KHDRBS2: variants seen among roughly 807,000 people sequenced by gnomAD.
The protein encoded by KHDRBS2 is KH domain-containing, RNA-binding, signal transduction-associated protein 2.
KHDRBS2 carries 26 observed loss-of-function variants against 44.3 expected under a neutral mutation model. That is an observed-to-expected ratio of 0.59 (90% CI 0.43 to 0.81). KHDRBS2 has a LOEUF of 0.81. Ranked by LOEUF, KHDRBS2 falls within the 40% of genes least tolerant of loss-of-function variation. KHDRBS2 has a pLI of 0.00. For synonymous variants in KHDRBS2, 194 were observed against 151.1 expected, an observed-to-expected ratio of 1.28 and a Z score of -2.08; for missense variants, 476 against 433.1, an observed-to-expected ratio of 1.10 and a Z score of -0.88.
the KHDRBS2 span, among the ~76,000 whole-genome samples, chr6:61,622,552 G>T: frequency 2.0e-5 from 3 of 152,298 alleles, no homozygotes; most frequent in Non-Finnish European, 2.9e-5. Flanking sequence ...ATTGACTGGG[G>T]TGTCTTTTAT....
At chr6:61,628,506 T>C in the KHDRBS2 span, among the ~76,000 whole-genome samples, 10 of 152,146 alleles carry the variant, frequency 6.6e-5, no homozygotes, top group South Asian at 1.2e-3. Context: ...TTATCTTCTC[T>C]TCCTTCTGTA....
intron 6 of KHDRBS2, among the ~76,000 whole-genome samples, chr6:61,773,536 G>C (rs923611463): frequency 5.3e-5 from 8 of 151,372 alleles, no homozygotes; most frequent in Non-Finnish European, 1.0e-4. Flanking sequence ...GTAGATTCTG[G>C]ATATTAGCCC....
Position 61,910,243 on chromosome 6 carries a change from C to T in KHDRBS2, c.484-8872G>A, listed in dbSNP as rs530708877. On this transcript the variant is annotated intron_variant, in intron 4 of 8. Coordinates refer to ENST00000281156, the MANE Select transcript of KHDRBS2 (RefSeq NM_152688.4). The stretch of plus-strand genomic sequence containing the variant: ...CAAAACAGAACATGCTATTAAATAA[C>T]ATCTCTTAGCCAACACAGGGTGAGT... 9.3e-4 allele frequency among the ~76,000 whole-genome samples: 142 copies of T among 152,318 alleles called. 2 individuals carry two copies. In the South Asian group the frequency reaches 0.029, roughly 31 times the overall value.
chr6:61,767,006 T>G (rs1780111204), intron 6 of KHDRBS2, among the ~76,000 whole-genome samples: 1 of 152,128 alleles, frequency 6.6e-6, no homozygotes, highest in African/African-American at 2.4e-5. Context: ...CATTGTTTCT[T>G]TACTGATTTT....
At chr6:62,251,395 T>C (rs879608808) in intron 1 of KHDRBS2, among the ~76,000 whole-genome samples, 1 of 151,960 alleles carries the variant, frequency 6.6e-6, no homozygotes, top group Admixed American at 6.6e-5. Context: ...TTGGTGTTTA[T>C]GAACTATTTT....
intron 2 of KHDRBS2, among the ~76,000 whole-genome samples, chr6:62,169,167 ATATGTATATATG>A (rs1819430717): frequency 2.4e-5 from 2 of 84,706 alleles, no homozygotes; most frequent in African/African-American, 8.7e-5. Context: ...ACGTACACAT[ATATGTATATATG>A]TATATATACG....
intron 3 of KHDRBS2, among the ~76,000 whole-genome samples, chr6:62,014,036 T>G (rs1200154695): frequency 6.6e-6 from 1 of 152,192 alleles, no homozygotes; most frequent in Admixed American, 6.5e-5. Flanking sequence ...GTCTGAAAAC[T>G]AAGTGGATTG....
chr6:62,168,688 G>T (rs1819200685), intron 2 of KHDRBS2, among the ~76,000 whole-genome samples: 1 of 152,014 alleles, frequency 6.6e-6, no homozygotes, highest in Non-Finnish European at 1.5e-5. Flanking sequence ...TATACCCTAA[G>T]CTATGTGTTT....
intron 2 of KHDRBS2, among the ~76,000 whole-genome samples, chr6:62,073,949 T>A (rs1420133951): frequency 6.6e-6 from 1 of 151,848 alleles, no homozygotes; most frequent in Non-Finnish European, 1.5e-5. Flanking sequence ...ACTCCTGCAC[T>A]ACTGCACCAG....
chr6:62,116,552 T>A (rs1229170604), intron 2 of KHDRBS2, among the ~76,000 whole-genome samples: 2 of 152,186 alleles, frequency 1.3e-5, no homozygotes, highest in East Asian at 3.8e-4. Context: ...TGTGTAATGA[T>A]CAATTCAAGG....
chr6:61,961,328 T>A (rs1768660652), intron 4 of KHDRBS2, among the ~76,000 whole-genome samples: 1 of 151,196 alleles, frequency 6.6e-6, no homozygotes, highest in Non-Finnish European at 1.5e-5. Context: ...CAGCAATAAT[T>A]AAGCTTCTTG....
chr6:61,918,720 G>T (rs1400197189), intron 4 of KHDRBS2, among the ~76,000 whole-genome samples: 1 of 151,930 alleles, frequency 6.6e-6, no homozygotes, highest in East Asian at 1.9e-4. Context: ...TGCTCTTTCT[G>T]AGAAAAGAAG....
chr6:62,231,233 C>A (rs1444227428), intron 1 of KHDRBS2, among the ~76,000 whole-genome samples: 1 of 152,082 alleles, frequency 6.6e-6, no homozygotes, highest in Non-Finnish European at 1.5e-5. Flanking sequence ...AAGAAAGACC[C>A]AAGGCTGGGT....
chr6:61,621,935 C>T, the KHDRBS2 span, among the ~76,000 whole-genome samples: 1 of 152,070 alleles, frequency 6.6e-6, no homozygotes, highest in Non-Finnish European at 1.5e-5. Flanking sequence ...AAAGCTTCAC[C>T]ATAGAGATAG....
At chr6:61,889,618 C>A (rs533317622) in intron 6 of KHDRBS2, among the ~76,000 whole-genome samples, 1 of 152,082 alleles carries the variant, frequency 6.6e-6, no homozygotes, top group Non-Finnish European at 1.5e-5. Flanking sequence ...GGGGGCAATG[C>A]AACCAGTTAA....
chr6:62,032,454 C>T (rs1784523056), intron 3 of KHDRBS2, among the ~76,000 whole-genome samples: 2 of 151,850 alleles, frequency 1.3e-5, no homozygotes, highest in Non-Finnish European at 2.9e-5. Flanking sequence ...TCTCCTTGCT[C>T]CTCAGCCTGC....
chr6:61,902,962 A>G (rs1804331449), intron 4 of KHDRBS2, among the ~76,000 whole-genome samples: 1 of 152,174 alleles, frequency 6.6e-6, no homozygotes, highest in South Asian at 2.1e-4. Flanking sequence ...TTTTATTTTT[A>G]GCATGTTGCT....
intron 1 of KHDRBS2, among the ~76,000 whole-genome samples, chr6:62,187,444 A>G (rs1458520505): frequency 6.6e-6 from 1 of 152,146 alleles, no homozygotes; most frequent in African/African-American, 2.4e-5. Flanking sequence ...GCCTTCTTCA[A>G]TCTTACAGTC....
chr6:61,904,654 C>T (rs1033399900), intron 4 of KHDRBS2, among the ~76,000 whole-genome samples: 4 of 152,170 alleles, frequency 2.6e-5, no homozygotes, highest in Admixed American at 1.3e-4. Context: ...CACAGGATTC[C>T]TCTAACTATG....
Sources: allele counts gnomAD v4.1 joint callset (sites outside exome capture counted in the v4.1 genomes callset), GRCh38; gene constraint gnomAD v4.1.1; transcripts MANE v1.5; gene names NCBI Gene and HGNC (gene_info 2026-07-23, HGNC 2026-07-21).